The following SPIRE1 variants were observed in gnomAD, a reference collection of about 807,000 sequenced individuals.
The protein encoded by SPIRE1 is spire type actin nucleation factor 1, also known as protein spire homolog 1.
In SPIRE1, 40 loss-of-function variants were observed where a neutral mutation model predicts 94.1. That is an observed-to-expected ratio of 0.43 (90% CI 0.33 to 0.55). SPIRE1 has a LOEUF of 0.55. SPIRE1 is among the 20% of genes least tolerant of loss of function. SPIRE1 has a pLI of 0.06. For synonymous variants in SPIRE1, 376 were observed against 371.7 expected, an observed-to-expected ratio of 1.01 and a Z score of -0.13; for missense variants, 838 against 975.2, an observed-to-expected ratio of 0.86 and a Z score of 1.87.
intron 4 of SPIRE1, among the ~76,000 whole-genome samples, chr18:12,516,669 C>A (rs967547539): frequency 6.6e-6 from 1 of 152,172 alleles, no homozygotes; most frequent in African/African-American, 2.4e-5. Context: ...TAATAGTCTA[C>A]AAATATGAGT....
chr18:12,525,998 A>G (rs965161861), intron 4 of SPIRE1, among the ~76,000 whole-genome samples: 1 of 150,992 alleles, frequency 6.6e-6, no homozygotes. Flanking sequence ...GTTTCCAGTA[A>G]TACATGCTAA....
intron 2 of SPIRE1, among the ~76,000 whole-genome samples, chr18:12,627,421 A>G (rs1598554528): frequency 2.6e-5 from 4 of 152,174 alleles, no homozygotes. Context: ...ATAGTATTCC[A>G]TGGTGTGTAT....
chr18:12,560,033 A>G, intron 2 of SPIRE1, among the ~76,000 whole-genome samples: 1 of 152,240 alleles, frequency 6.6e-6, no homozygotes, highest in East Asian at 1.9e-4. Context: ...ACAAATCAAA[A>G]CTACAATGAT....
At chr18:12,640,647 G>GT (rs754203120) in intron 1 of SPIRE1, among the ~76,000 whole-genome samples, 8 of 152,194 alleles carry the variant, frequency 5.3e-5, no homozygotes, top group Non-Finnish European at 1.2e-4. Flanking sequence ...GGGTGGTCAG[G>GT]TAAGATTCCT....
At chr18:12,466,311 C>CT (rs1256697051) in intron 10 of SPIRE1, among the ~76,000 whole-genome samples, 1 of 152,072 alleles carries the variant, frequency 6.6e-6, no homozygotes, top group Non-Finnish European at 1.5e-5. Context: ...GAGTCTCACT[C>CT]TGTTGCCCAG....
At chr18:12,507,284 A>G (rs944352824) in intron 5 of SPIRE1, among the ~76,000 whole-genome samples, 2 of 152,226 alleles carry the variant, frequency 1.3e-5, no homozygotes, top group African/African-American at 4.8e-5. Flanking sequence ...CTTGCCAGCT[A>G]TTTGACACGG....
At chr18:12,509,239 T>G (rs1466498447) in intron 5 of SPIRE1, among the ~76,000 whole-genome samples, 1 of 152,226 alleles carries the variant, frequency 6.6e-6, no homozygotes, top group Non-Finnish European at 1.5e-5. Flanking sequence ...AGTGGTCTTA[T>G]GAGGAGGAAG....
intron 11 of SPIRE1, among the ~76,000 whole-genome samples, chr18:12,463,913 CA>C (rs2031982218): frequency 6.6e-6 from 1 of 152,054 alleles, no homozygotes; most frequent in African/African-American, 2.4e-5. Flanking sequence ...AATATTGTAC[CA>C]TTGTCCTTCT....
chr18:12,651,141 G>A (rs947475482), intron 1 of SPIRE1, among the ~76,000 whole-genome samples: 1 of 152,082 alleles, frequency 6.6e-6, no homozygotes, highest in Non-Finnish European at 1.5e-5. Context: ...CTTGTACATA[G>A]TAGGAACTCA....
At chr18:12,641,337 A>T (rs1009492686) in intron 1 of SPIRE1, among the ~76,000 whole-genome samples, 2 of 151,808 alleles carry the variant, frequency 1.3e-5, no homozygotes, top group Admixed American at 6.6e-5. Context: ...CAATAAAAAA[A>T]TTTCTACAGC....
intron 1 of SPIRE1, among the ~76,000 whole-genome samples, chr18:12,656,147 C>A (rs2038532184): frequency 6.6e-6 from 1 of 152,198 alleles, no homozygotes. Context: ...GATCCACCTG[C>A]CTCGGCATCC....
chr18:12,633,273 G>A (rs1470759696), intron 2 of SPIRE1, among the ~76,000 whole-genome samples: 1 of 152,004 alleles, frequency 6.6e-6, no homozygotes, highest in Non-Finnish European at 1.5e-5. Context: ...ATCTAACTTG[G>A]AAAAAATTGT....
intron 2 of SPIRE1, among the ~76,000 whole-genome samples, chr18:12,597,513 A>C (rs1302348277): frequency 1.3e-5 from 2 of 152,168 alleles, no homozygotes; most frequent in African/African-American, 2.4e-5. Flanking sequence ...TTTGAACTAT[A>C]TCTCTGGGCC....
chr18:12,658,062 A>G lies in SPIRE1; in HGVS notation c.-196T>C, dbSNP rs1445492172. 5.0e-6 allele frequency: 5 copies of G among 991,540 alleles called. No individual in the cohort carries two copies. The South Asian group carries it at 1.8e-4, about 36-fold the overall frequency. 61.4% of individuals were successfully genotyped at this position (991,540 alleles called of 1,614,324 possible). A position where few individuals can be genotyped will look rare whatever the true frequency, so the allele number is the denominator to read the frequency against. Reference sequence around the variant, plus strand: ...AGGAGGGCGGCGAGGACACGGCTGCAGTCCCGGTCAGACAGCCGCCGGCCG... The same window carrying G: ...AGGAGGGCGGCGAGGACACGGCTGCGGTCCCGGTCAGACAGCCGCCGGCCG... On this transcript the variant is annotated 5_prime_UTR_variant, in exon 1 of 17. Coordinates refer to ENST00000409402, the MANE Select transcript of SPIRE1 (RefSeq NM_001128626.2).
chr18:12,455,174 G>A (rs549413058), intron 12 of SPIRE1, among the ~76,000 whole-genome samples: 1 of 152,298 alleles, frequency 6.6e-6, no homozygotes, highest in South Asian at 2.1e-4. Context: ...CTGGGCTCAA[G>A]TGATCTGCCC....
At chr18:12,454,617 A>G in intron 12 of SPIRE1, 134 bp from the exon 13 acceptor site, 1 of 767,146 alleles carries the variant, frequency 1.3e-6, no homozygotes, top group East Asian at 2.5e-5. Context: ...ACTGGGGCAG[A>G]GCTGGCTCCC....
At position 12,637,086 on chromosome 18, in the gene SPIRE1, G is replaced by A. The variant is rs141414362; in HGVS notation, c.338-1990C>T. On this transcript the variant is annotated intron_variant, in intron 1 of 16. Transcript: ENST00000409402. The stretch of plus-strand genomic sequence containing the variant: ...TTAAGAGTATATGAGTTGGCCAAGT[G>A]CAGTGGCTCACGCCTGTAATCCCAG... 2.0e-4 allele frequency among the ~76,000 whole-genome samples: 31 copies of A among 152,266 alleles called. 1 individual carries two copies. In the East Asian group the frequency reaches 2.9e-3, roughly 14 times the overall value.
At chr18:12,597,084 A>C (rs1488007288) in intron 2 of SPIRE1, among the ~76,000 whole-genome samples, 1 of 150,908 alleles carries the variant, frequency 6.6e-6, no homozygotes, top group Non-Finnish European at 1.5e-5. Flanking sequence ...TTTATAACCT[A>C]AGCACCCTTT....
At chr18:12,464,228 T>C (rs982375996) in intron 11 of SPIRE1, among the ~76,000 whole-genome samples, 2 of 151,046 alleles carry the variant, frequency 1.3e-5, no homozygotes, top group African/African-American at 2.4e-5. Flanking sequence ...AAATCCATTA[T>C]GTGATTCAAT....
Sources: allele counts gnomAD v4.1 joint callset (sites outside exome capture counted in the v4.1 genomes callset), GRCh38; gene constraint gnomAD v4.1.1; transcripts MANE v1.5; gene names NCBI Gene and HGNC (gene_info 2026-07-23, HGNC 2026-07-21).